ADGRB3: variants seen among roughly 807,000 people sequenced by gnomAD.
ADGRB3 encodes the protein brain-specific angiogenesis inhibitor 3.
In ADGRB3, 37 loss-of-function variants were observed where a neutral mutation model predicts 193.4. That is an observed-to-expected ratio of 0.19 (90% confidence interval 0.15 to 0.25). ADGRB3 has a LOEUF of 0.25. Ranked by LOEUF, ADGRB3 falls within the 10% of genes least tolerant of loss-of-function variation. The probability of loss-of-function intolerance (pLI) is 1.00; values close to 1 mark genes in which losing one functional copy is unlikely to be tolerated. For synonymous variants in ADGRB3, 690 were observed against 644.2 expected (o/e 1.07, Z -1.08); for missense variants, 1,637 against 1,852.9 (o/e 0.88, Z 2.14).
chr6:69,136,961 G>T (rs765900459), intron 17 of ADGRB3, among the ~76,000 whole-genome samples: 1 of 151,582 alleles, frequency 6.6e-6, no homozygotes, highest in African/African-American at 2.4e-5. Context: ...CTCACTGGTG[G>T]TTTCCTCCTT....
chr6:69,077,722 T>A (rs766700399), intron 17 of ADGRB3, among the ~76,000 whole-genome samples: 32 of 152,004 alleles, frequency 2.1e-4, no homozygotes, highest in Non-Finnish European at 3.4e-4. Flanking sequence ...TCACGAAGAA[T>A]GTCTCAGCTT....
At chr6:68,866,790 C>A (rs759310679) in intron 3 of ADGRB3, among the ~76,000 whole-genome samples, 1 of 152,150 alleles carries the variant, frequency 6.6e-6, no homozygotes, top group Non-Finnish European at 1.5e-5. Flanking sequence ...AGATTGGCAG[C>A]GTTGTCTCTG....
chr6:69,231,063 G>A (rs16900583), intron 17 of ADGRB3, among the ~76,000 whole-genome samples: 21,868 of 152,102 alleles, frequency 0.14, 1,625 homozygotes, highest in Middle Eastern at 0.16. Context: ...CATGAACATC[G>A]GCGTTACTTA....
chr6:68,904,444 T>C (rs1212964652), intron 3 of ADGRB3, among the ~76,000 whole-genome samples: 2 of 152,170 alleles, frequency 1.3e-5, no homozygotes, highest in African/African-American at 4.8e-5. Context: ...CACACTTTGC[T>C]ACTTCTCTCG....
At chr6:69,053,827 C>T (rs914141113) in intron 15 of ADGRB3, among the ~76,000 whole-genome samples, 6 of 152,060 alleles carry the variant, frequency 3.9e-5, no homozygotes, top group African/African-American at 7.3e-5. Context: ...TATAGCAATT[C>T]TACTTCTAAG....
chr6:68,792,562 A>G (rs1353040018), intron 3 of ADGRB3, among the ~76,000 whole-genome samples: 1 of 152,020 alleles, frequency 6.6e-6, no homozygotes, highest in Non-Finnish European at 1.5e-5. Flanking sequence ...TCATGTTGGT[A>G]TTTGTGTTGT....
chr6:69,049,153 C>T lies in ADGRB3; in HGVS notation c.2258-118C>T, dbSNP rs559678174. ...TGGTTAGGAATGCATTTCTTTTTAC[C>T]AGGCTTTATCTTTGCCTAAGGAAGT... is the stretch of plus-strand genomic sequence containing the variant. On this transcript the variant is annotated intron_variant, in intron 14 of 31. Coordinates refer to ENST00000370598, the MANE Select transcript of ADGRB3 (RefSeq NM_001704.3). The T allele has an allele frequency of 4.8e-5, 33 of 689,422 alleles. No homozygotes were observed. In the African/African-American group the frequency reaches 5.6e-4, roughly 12 times the overall value. The allele number at this position is 689,422 out of a possible 1,614,324, so 42.7% of individuals were successfully genotyped here.
chr6:69,293,246 T>C (rs1767731091), intron 20 of ADGRB3, among the ~76,000 whole-genome samples: 1 of 152,172 alleles, frequency 6.6e-6, no homozygotes, highest in Non-Finnish European at 1.5e-5. Context: ...TTTAAAAAAA[T>C]ACCTTGCTTG....
chr6:68,955,992 T>C (rs746543564), intron 6 of ADGRB3, 32 bp from the exon 7 acceptor site: 6 of 1,604,366 alleles, frequency 3.7e-6, no homozygotes, highest in Admixed American at 3.4e-5. Flanking sequence ...TTGGAAGATA[T>C]CCTCATGCTG....
chr6:68,638,223 G>T (rs369292345), intron 2 of ADGRB3, among the ~76,000 whole-genome samples: 1 of 152,204 alleles, frequency 6.6e-6, no homozygotes, highest in Admixed American at 6.5e-5. Flanking sequence ...ATTAGATTTT[G>T]TATGATAGTG....
chr6:69,011,554 A>G (rs1436481040), intron 11 of ADGRB3, among the ~76,000 whole-genome samples: 3 of 151,948 alleles, frequency 2.0e-5, no homozygotes, highest in Non-Finnish European at 2.9e-5. Flanking sequence ...TAGGTGATGG[A>G]ATCATTCATA....
At chr6:69,004,794 G>A (rs536129440) in intron 11 of ADGRB3, among the ~76,000 whole-genome samples, 40 of 152,090 alleles carry the variant, frequency 2.6e-4, no homozygotes, top group Non-Finnish European at 3.8e-4. Context: ...TTAACATAAC[G>A]ATTTTGGGGT....
chr6:68,818,140 C>T (rs1284567771), intron 3 of ADGRB3, among the ~76,000 whole-genome samples: 1 of 152,030 alleles, frequency 6.6e-6, no homozygotes, highest in African/African-American at 2.4e-5. Flanking sequence ...TCAAAGAACA[C>T]AGGCTGGTAG....
intron 3 of ADGRB3, among the ~76,000 whole-genome samples, chr6:68,881,790 G>C (rs771728525): frequency 1.3e-5 from 2 of 152,026 alleles, no homozygotes; most frequent in African/African-American, 2.4e-5. Context: ...AACACCCTTT[G>C]TTTCATTTAT....
intron 21 of ADGRB3, 80 bp from the exon 22 acceptor site, chr6:69,327,740 A>C: frequency 8.7e-7 from 1 of 1,153,642 alleles, no homozygotes; most frequent in South Asian, 1.7e-5. Flanking sequence ...GAGCACCTGG[A>C]GTTTGTTCTG....
intron 3 of ADGRB3, among the ~76,000 whole-genome samples, chr6:68,761,306 A>G (rs756497614): frequency 2.8e-5 from 4 of 144,346 alleles, no homozygotes. Context: ...GGATTTACAT[A>G]TTTATATAAA....
intron 15 of ADGRB3, among the ~76,000 whole-genome samples, chr6:69,060,852 C>G (rs1382536484): frequency 6.6e-6 from 1 of 152,014 alleles, no homozygotes; most frequent in Non-Finnish European, 1.5e-5. Context: ...GCTGTATACA[C>G]CATTCTCTGG....
At chr6:68,714,711 A>G (rs1321247421) in intron 3 of ADGRB3, among the ~76,000 whole-genome samples, 1 of 151,896 alleles carries the variant, frequency 6.6e-6, no homozygotes, top group Non-Finnish European at 1.5e-5. Context: ...TTCATTTTCA[A>G]CAGACTGGGA....
intron 3 of ADGRB3, among the ~76,000 whole-genome samples, chr6:68,829,253 C>T (rs530961484): frequency 6.6e-6 from 1 of 152,018 alleles, no homozygotes; most frequent in East Asian, 1.9e-4. Context: ...GCTCCCGCCA[C>T]CATGCCCAGC....
Sources: gnomAD v4.1 joint callset for allele counts (sites outside exome capture counted in the v4.1 genomes callset) on GRCh38, gnomAD v4.1.1 for gene constraint, MANE v1.5 for transcripts, NCBI Gene and HGNC (gene_info 2026-07-23, HGNC 2026-07-21) for gene names.